UNC93B1: variants seen among roughly 807,000 people sequenced by gnomAD.
The protein encoded by UNC93B1 is protein unc-93 homolog B1.
Under a neutral mutation model 56.8 loss-of-function variants are expected in UNC93B1, and 33 were observed. That is an observed-to-expected ratio of 0.58 (90% CI 0.44 to 0.78). UNC93B1 has a LOEUF of 0.78. Among genes scored for constraint, UNC93B1 ranks in the 30% least tolerant of loss-of-function variants. The probability of loss-of-function intolerance (pLI) is 0.00; values close to 1 mark genes in which losing one functional copy is unlikely to be tolerated. For missense variants in UNC93B1, 673 were observed against 819.5 expected (o/e 0.82, Z 2.18); for synonymous variants, 334 against 358.6 (o/e 0.93, Z 0.77).
Position 68,003,674 on chromosome 11 carries a change from G to A in UNC93B1, c.221C>T (p.Thr74Ile), listed in dbSNP as rs1220709974. The change falls in exon 2 of 11, where the codon ACC becomes ATC. Residue 74 changes from threonine to isoleucine, a missense_variant. Coordinates refer to ENST00000227471, the MANE Select transcript of UNC93B1 (RefSeq NM_030930.4). This position sits in a 1 kb window ranked among gnomAD's most constrained non-coding sequence, Gnocchi z 4.4. Reference protein sequence around the residue: ...VLAASAGGMLTYGVYLGLLQM... With the variant: ...VLAASAGGMLIYGVYLGLLQM... Reference sequence around the variant, plus strand: ...GCACCTACCCAGGTAGACGCCGTAGGTGAGCATGCCCCCGGCGCTGGCAGC... The same window carrying A: ...GCACCTACCCAGGTAGACGCCGTAGATGAGCATGCCCCCGGCGCTGGCAGC... 7 of 1,529,220 alleles carry A rather than the reference G, an allele frequency of 4.6e-6. No homozygotes were observed. Among genetic ancestry groups the A allele is most frequent in the Non-Finnish European group, 8.7e-7 (1 of 1,143,250 alleles). The allele number at this position is 1,529,220 out of a possible 1,614,324, so 94.7% of individuals were successfully genotyped here.
At chr11:67,993,353 T>C (rs1046989533) in intron 10 of UNC93B1, among the ~76,000 whole-genome samples, 1 of 152,262 alleles carries the variant, frequency 6.6e-6, no homozygotes, top group Non-Finnish European at 1.5e-5. Flanking sequence ...CCATTTTTTG[T>C]GAGCAGAGCA....
At chr11:67,994,759 C>T (rs308291) in intron 9 of UNC93B1, among the ~76,000 whole-genome samples, 5,554 of 152,322 alleles carry the variant, frequency 0.036, 364 homozygotes, top group African/African-American at 0.13. Flanking sequence ...AGCCAGCCTC[C>T]GCCCTGCCAG....
intron 5 of UNC93B1, among the ~76,000 whole-genome samples, chr11:67,998,907 CA>C (rs375039717): frequency 2.2e-3 from 319 of 144,628 alleles, no homozygotes; most frequent in African/African-American, 6.4e-3. Flanking sequence ...CAACCCCCAC[CA>C]AAAAAAAAAG....
intron 6 of UNC93B1, among the ~76,000 whole-genome samples, chr11:67,998,082 A>G (rs1419401709): frequency 1.3e-5 from 2 of 152,184 alleles, no homozygotes; most frequent in African/African-American, 4.8e-5. Context: ...CACCCCCTGC[A>G]CTGATTGAGC....
Position 67,999,203 on chromosome 11 carries a change from G to C in UNC93B1, c.657C>G (p.Val219=). The C allele has an allele frequency of 6.2e-7, 1 of 1,613,974 alleles. No individual in the cohort carries two copies. The highest frequency in any genetic ancestry group is 8.5e-7 in the Non-Finnish European group (1 of 1,179,896). The stretch of plus-strand genomic sequence containing the variant: ...AGAAGCTGTAGAAGATGGCTTGGAA[G>C]ACCAGGAGATAGGGCGCGTGGGAGC... ...PRGSHAPYLL[V]FQAIFYSFFH... The change falls in exon 5 of 11, where the codon GTC becomes GTG. Residue 219 remains valine, a synonymous_variant. Coordinates refer to ENST00000227471, the MANE Select transcript of UNC93B1 (RefSeq NM_030930.4).
In UNC93B1 at chr11:67,995,193, C is replaced by T. The variant is rs1362527163; in HGVS notation, c.1363+418G>A. 6.6e-5 allele frequency among the ~76,000 whole-genome samples: 10 copies of T among 152,266 alleles called. 1 individual carries two copies. The East Asian group carries it at 1.9e-3, about 29-fold the overall frequency. On this transcript the variant is annotated intron_variant, in intron 9 of 10. Transcript: ENST00000227471. ...AAACTATGCCAGGGTAAGCCCTGTCCCCTGGTATGAAAAGGGAGAATCCCT... is the reference window on the plus strand; with the variant it reads ...AAACTATGCCAGGGTAAGCCCTGTCTCCTGGTATGAAAAGGGAGAATCCCT...
At chr11:67,999,784 G>A in intron 3 of UNC93B1, 104 bp from the exon 4 acceptor site, 1 of 1,426,148 alleles carries the variant, frequency 7.0e-7, no homozygotes, top group South Asian at 1.4e-5. Context: ...AGGGCTTTGT[G>A]AGGTAGAGAG....
intron 7 of UNC93B1, chr11:67,997,415 T>A (rs891682955): frequency 3.6e-5 from 20 of 560,560 alleles, no homozygotes; most frequent in Non-Finnish European, 5.7e-5. Flanking sequence ...GGACCAAGCC[T>A]GTTCCCTCCT....
At chr11:67,993,475 G>T (rs1297898280) in intron 10 of UNC93B1, among the ~76,000 whole-genome samples, 1 of 152,234 alleles carries the variant, frequency 6.6e-6, no homozygotes. Context: ...TCCCCTCAGA[G>T]ATGGGCAAAC....
chr11:68,002,999 C>G, intron 3 of UNC93B1, 23 bp downstream of exon 3: 1 of 1,594,410 alleles, frequency 6.3e-7, no homozygotes, highest in Non-Finnish European at 8.5e-7. Flanking sequence ...ACCGCAGCAT[C>G]CCACAGGAGC....
At position 67,991,499 on chromosome 11, in the gene UNC93B1, C is replaced by T; in HGVS notation, c.*47G>A. Reference sequence around the variant, plus strand: ...TCCCCCCGACCTCAGACGTGGTAAACTGAGGCCGGCGAGGAGGGAGGCTGA... The same window carrying T: ...TCCCCCCGACCTCAGACGTGGTAAATTGAGGCCGGCGAGGAGGGAGGCTGA... On this transcript the variant is annotated 3_prime_UTR_variant, in exon 11 of 11. Transcript: ENST00000227471. 5 of 1,375,790 alleles carry T rather than the reference C, an allele frequency of 3.6e-6. No homozygotes were observed. The highest frequency in any genetic ancestry group is 1.9e-6 in the Non-Finnish European group (2 of 1,070,516). 85.2% of individuals were successfully genotyped at this position (1,375,790 alleles called of 1,614,324 possible).
At chr11:67,995,123 T>C (rs1459961973) in intron 9 of UNC93B1, among the ~76,000 whole-genome samples, 3 of 152,174 alleles carry the variant, frequency 2.0e-5, no homozygotes, top group Non-Finnish European at 1.5e-5. Context: ...TCCTACCACA[T>C]GCTCCGTGAA....
intron 9 of UNC93B1, 60 bp from the exon 10 acceptor site, chr11:67,993,854 C>T: frequency 4.4e-6 from 5 of 1,128,584 alleles, no homozygotes; most frequent in Non-Finnish European, 6.5e-6. Flanking sequence ...CTGGGGCTAC[C>T]GAGCTACCAT....
chr11:67,996,809 C>T (rs371666445), intron 7 of UNC93B1, 25 bp from the exon 8 acceptor site: 2 of 1,513,858 alleles, frequency 1.3e-6, no homozygotes, highest in Admixed American at 2.0e-5. Context: ...CTTGAAGGGG[C>T]GGCCAGCCAG....
In UNC93B1 at chr11:67,997,941, C is replaced by T. The variant is rs1455746269; in HGVS notation, c.782-142G>A. 10 of 1,320,188 alleles carry T rather than the reference C, an allele frequency of 7.6e-6. No homozygotes were observed. The Admixed American group carries it at 1.9e-4, about 24-fold the overall frequency. The allele number at this position is 1,320,188 out of a possible 1,614,324, so 81.8% of individuals were successfully genotyped here. On this transcript the variant is annotated intron_variant, in intron 6 of 10. Transcript: ENST00000227471. Reference sequence around the variant, plus strand: ...GCAAGGGCAGAGTTCCTTCAGAGAGCAGTTTGGAGGTTTGGACCACTGGGG... The same window carrying T: ...GCAAGGGCAGAGTTCCTTCAGAGAGTAGTTTGGAGGTTTGGACCACTGGGG...
chr11:68,003,195 C>A lies in UNC93B1; in HGVS notation c.239-20G>T, dbSNP rs1333286700. On this transcript the variant is annotated intron_variant, in intron 2 of 10. Transcript: ENST00000227471. This position sits in a 1 kb window ranked among gnomAD's most constrained non-coding sequence, Gnocchi z 4.4. ...GGAGGCCTGGGGACAGGACAGAGAG[C>A]GGCGTGCAGGGAGCAGCCTAGCTTT... The A allele has an allele frequency of 6.2e-7, 1 of 1,601,818 alleles. No homozygotes were observed. Among genetic ancestry groups the A allele is most frequent in the Non-Finnish European group, 8.5e-7 (1 of 1,177,292 alleles).
Position 67,999,674 on chromosome 11 carries a change from A to C in UNC93B1, c.399T>G (p.Phe133Leu). Residue 133 changes from phenylalanine to leucine, a missense_variant, in exon 4 of 11, where the codon TTT becomes TTG. Phe to Leu is a conservative substitution (Grantham distance 22). Transcript: ENST00000227471. ...CGAGGAACATCATCCACTTCGTTCC[A>C]AAAAACCTGCGGACAGTGGGAGAGA... ...LLYTPVLIRF[F>L]GTKWMMFLAV... 6.2e-7 allele frequency: 1 copy of C among 1,610,782 alleles called. No individual in the cohort carries two copies. The highest frequency in any genetic ancestry group is 1.1e-5 in the South Asian group (1 of 90,348).
At chr11:67,998,475 G>A (rs2134363121) in intron 5 of UNC93B1, 23 bp from the exon 6 acceptor site, 4 of 1,613,024 alleles carry the variant, frequency 2.5e-6, no homozygotes, top group Non-Finnish European at 3.4e-6. Context: ...GGGCAGTTGG[G>A]ACCAGACTCA....
rs1857077971 is a variant in UNC93B1 at position 68,003,340 on chromosome 11, C to T, written c.239-165G>A. 1 of 993,894 alleles carries T rather than the reference C, an allele frequency of 1.0e-6. No homozygotes were observed. Among genetic ancestry groups the T allele is most frequent in the Non-Finnish European group, 1.4e-6 (1 of 710,202 alleles). 61.6% of individuals were successfully genotyped at this position (993,894 alleles called of 1,614,324 possible). A position where few individuals can be genotyped will look rare whatever the true frequency, so the allele number is the denominator to read the frequency against. The stretch of plus-strand genomic sequence containing the variant: ...TTCCCGGGCTGCGCCACGCCTTCTG[C>T]CAGCCCGCGGCCACTTGGCCAGCTA... On this transcript the variant is annotated intron_variant, in intron 2 of 10. Coordinates refer to ENST00000227471, the MANE Select transcript of UNC93B1 (RefSeq NM_030930.4). The surrounding 1 kb of genome is among the most constrained non-coding windows in gnomAD (Gnocchi z 4.4).
Sources: gnomAD v4.1 joint callset for allele counts (sites outside exome capture counted in the v4.1 genomes callset) on GRCh38, gnomAD v4.1.1 for gene constraint, Gnocchi (gnomAD v3.1) non-coding constraint, MANE v1.5 for transcripts, NCBI Gene and HGNC (gene_info 2026-07-23, HGNC 2026-07-21) for gene names.